The following KSR2 variants were observed in gnomAD, a reference collection of about 807,000 sequenced individuals.
KSR2 encodes kinase suppressor of ras 2.
A neutral mutation model predicts 107.8 loss-of-function variants in KSR2; 25 were observed. That is an observed-to-expected ratio of 0.23 (90% CI 0.17 to 0.32). KSR2 has a LOEUF of 0.32. KSR2 is among the 10% of genes least tolerant of loss of function. The pLI is 1.00. For missense variants in KSR2, 887 were observed against 1,268.9 expected (o/e 0.70, Z 4.57); for synonymous variants, 480 against 507.0 (o/e 0.95, Z 0.71).
intron 19 of KSR2, among the ~76,000 whole-genome samples, chr12:117,468,992 C>T (rs1345149004): frequency 6.6e-6 from 1 of 152,040 alleles, no homozygotes; most frequent in Admixed American, 6.5e-5. Context: ...CCATGGGGAG[C>T]CCTCAGCAGC....
At chr12:117,777,514 C>CA (rs1409890251) in intron 3 of KSR2, among the ~76,000 whole-genome samples, 1 of 152,168 alleles carries the variant, frequency 6.6e-6, no homozygotes, top group Non-Finnish European at 1.5e-5. Context: ...TCAGGCGACT[C>CA]AAAGTTTTTT....
rs1214234987 is a variant in KSR2, at chr12:117,847,529, G to C, written c.472+7899C>G. On this transcript the variant is annotated intron_variant, in intron 3 of 19. Coordinates refer to ENST00000339824, the MANE Select transcript of KSR2 (RefSeq NM_173598.6). The stretch of plus-strand genomic sequence containing the variant: ...CACTCTCTCCCCTCCGTGGCTCCCT[G>C]AGCCCCCGAAGGATTCCCAGCATCT... Among the ~76,000 whole-genome samples, 3 of 152,330 alleles carry C rather than the reference G, an allele frequency of 2.0e-5. No individual in the cohort carries two copies. In the East Asian group the frequency reaches 5.8e-4, roughly 29 times the overall value.
At chr12:117,561,631 G>T (rs1002209598) in intron 7 of KSR2, among the ~76,000 whole-genome samples, 4 of 152,306 alleles carry the variant, frequency 2.6e-5, no homozygotes, top group African/African-American at 9.6e-5. Flanking sequence ...AAAGTAGAAG[G>T]TTCCTGGGAG....
At chr12:117,682,073 G>A (rs1885385885) in intron 4 of KSR2, among the ~76,000 whole-genome samples, 1 of 152,166 alleles carries the variant, frequency 6.6e-6, no homozygotes, top group Non-Finnish European at 1.5e-5. Context: ...ATACAACGTG[G>A]AATACCATGC....
intron 4 of KSR2, among the ~76,000 whole-genome samples, chr12:117,715,895 T>G (rs1257353568): frequency 6.6e-6 from 1 of 152,236 alleles, no homozygotes; most frequent in Non-Finnish European, 1.5e-5. Context: ...TGTTCTTCAT[T>G]AAGTTCCTAG....
chr12:117,568,717 CATCATCATAATT>C (rs1423090218), intron 7 of KSR2, among the ~76,000 whole-genome samples: 1 of 152,110 alleles, frequency 6.6e-6, no homozygotes, highest in East Asian at 1.9e-4. Flanking sequence ...TACATGATAG[CATCATCATAATT>C]ATCATCATCA....
At chr12:117,959,903 C>T (rs560912280) in intron 1 of KSR2, among the ~76,000 whole-genome samples, 1 of 151,622 alleles carries the variant, frequency 6.6e-6, no homozygotes, top group Non-Finnish European at 1.5e-5. Context: ...TGCACTGCAG[C>T]CTGGGTGACA....
intron 4 of KSR2, among the ~76,000 whole-genome samples, chr12:117,683,411 G>A (rs1462440816): frequency 6.6e-6 from 1 of 152,080 alleles, no homozygotes; most frequent in African/African-American, 2.4e-5. Flanking sequence ...TTTCCTAAAT[G>A]GCTGCTATAA....
intron 3 of KSR2, among the ~76,000 whole-genome samples, chr12:117,847,996 G>T (rs1892763230): frequency 6.6e-6 from 1 of 152,206 alleles, no homozygotes; most frequent in Admixed American, 6.5e-5. Context: ...AAAGAAGGAA[G>T]GGGAGGAGGA....
At chr12:117,553,971 T>C (rs899526686) in intron 9 of KSR2, among the ~76,000 whole-genome samples, 1 of 152,170 alleles carries the variant, frequency 6.6e-6, no homozygotes, top group African/African-American at 2.4e-5. Context: ...CAGATGCTGG[T>C]GTCAGGCTTC....
intron 5 of KSR2, among the ~76,000 whole-genome samples, chr12:117,606,038 A>G (rs1881209760): frequency 6.6e-6 from 1 of 152,164 alleles, no homozygotes; most frequent in African/African-American, 2.4e-5. Context: ...GGCTCTTCTT[A>G]AGTGTTACAT....
At chr12:117,843,976 C>T (rs12318877) in intron 3 of KSR2, among the ~76,000 whole-genome samples, 20,887 of 144,528 alleles carry the variant, frequency 0.14, 2,124 homozygotes, top group African/African-American at 0.29. Flanking sequence ...GCTCTTCCTA[C>T]GGTCGTATAA....
rs1351018839 is a variant in KSR2, at chr12:117,791,749, A to T, written c.473-30225T>A. Among the ~76,000 whole-genome samples the T allele has an allele frequency of 1.3e-5, 2 of 152,158 alleles. 1 individual carries two copies. Among genetic ancestry groups the T allele is most frequent in the Non-Finnish European group, 2.9e-5 (2 of 68,028 alleles). On this transcript the variant is annotated intron_variant, in intron 3 of 19. Transcript: ENST00000339824. ...GAGTGAGACACACAGGAGGCTGAGG[A>T]ACGGAGGCATCAGCGATCAAAAACT...
At chr12:117,707,917 T>C (rs1363281038) in intron 4 of KSR2, among the ~76,000 whole-genome samples, 1 of 152,186 alleles carries the variant, frequency 6.6e-6, no homozygotes, top group African/African-American at 2.4e-5. Context: ...ATCCTTACCA[T>C]ACTGGATCCA....
intron 4 of KSR2, among the ~76,000 whole-genome samples, chr12:117,723,043 A>G (rs905676695): frequency 3.3e-5 from 5 of 152,200 alleles, no homozygotes; most frequent in African/African-American, 7.2e-5. Flanking sequence ...AAGGGGTGCC[A>G]TTCAGGAAGT....
chr12:117,625,725 G>T (rs1250856094), intron 5 of KSR2, among the ~76,000 whole-genome samples: 2 of 152,206 alleles, frequency 1.3e-5, no homozygotes, highest in Non-Finnish European at 1.5e-5. Flanking sequence ...CATAAAATGA[G>T]TTAGGGAGGA....
intron 3 of KSR2, among the ~76,000 whole-genome samples, chr12:117,833,427 A>C (rs947887167): frequency 3.3e-5 from 5 of 152,144 alleles, no homozygotes; most frequent in Non-Finnish European, 5.9e-5. Context: ...CAGTGGCATG[A>C]TCATAGCTCA....
chr12:117,512,864 C>T (rs1874116546), intron 14 of KSR2, among the ~76,000 whole-genome samples: 1 of 152,258 alleles, frequency 6.6e-6, no homozygotes, highest in South Asian at 2.1e-4. Context: ...TCCAGTGACA[C>T]CAGAAGGCCA....
intron 14 of KSR2, among the ~76,000 whole-genome samples, chr12:117,492,774 GA>G (rs746630370): frequency 1.2e-4 from 19 of 152,180 alleles, no homozygotes; most frequent in Non-Finnish European, 2.5e-4. Flanking sequence ...GAGAGAGGCA[GA>G]AGGAGATGTG....
Sources: allele counts gnomAD v4.1 joint callset (sites outside exome capture counted in the v4.1 genomes callset), GRCh38; gene constraint gnomAD v4.1.1; transcripts MANE v1.5; gene names NCBI Gene and HGNC (gene_info 2026-07-23, HGNC 2026-07-21).